Variants in ZBTB4 observed in about 807,000 individuals in gnomAD.
ZBTB4 encodes zinc finger and BTB domain containing 4.
Under a neutral mutation model 59.8 loss-of-function variants are expected in ZBTB4, and 14 were observed. That is an observed-to-expected ratio of 0.23 (90% confidence interval 0.15 to 0.37). The LOEUF is 0.37. ZBTB4 is among the 10% of genes least tolerant of loss of function. ZBTB4 has a pLI of 1.00. For missense variants in ZBTB4, 1,198 were observed against 1,380.8 expected, an observed-to-expected ratio of 0.87 and a Z score of 2.10; for synonymous variants, 587 against 575.2, an observed-to-expected ratio of 1.02 and a Z score of -0.29.
In ZBTB4 at chr17:7,466,458, G is replaced by C; in HGVS notation, c.344C>G (p.Ala115Gly). 1 of 1,612,652 alleles carries C rather than the reference G, an allele frequency of 6.2e-7. No homozygotes were observed. The highest frequency in any genetic ancestry group is 8.5e-7 in the Non-Finnish European group (1 of 1,179,418). ...SSSSSSSPPP[A>G]SPPASSPPRV... ...GGGTGGGGAAGAAGCAGGGGGAGAG[G>C]CTGGAGGGGGAGAGGAAGAGGAAGA... Residue 115 changes from alanine to glycine, a missense_variant, in exon 3 of 4, where the codon GCC becomes GGC. Ala to Gly is a moderately conservative substitution (Grantham distance 60, BLOSUM62 0). Around this residue, in one of 9 missense-constraint regions of ZBTB4, gnomAD observed 83 missense variants for 76.5 expected, o/e 1.09. Coordinates refer to ENST00000380599, the MANE Select transcript of ZBTB4 (RefSeq NM_001128833.2). The surrounding 1 kb of genome is among the most constrained non-coding windows in gnomAD (Gnocchi z 9.1).
At position 7,461,799 on chromosome 17, in the gene ZBTB4, G is replaced by T; in HGVS notation, c.*141C>A. 1 of 634,324 alleles carries T rather than the reference G, an allele frequency of 1.6e-6. No individual in the cohort carries two copies. The highest frequency in any genetic ancestry group is 2.7e-6 in the Non-Finnish European group (1 of 372,992). 39.3% of individuals were successfully genotyped at this position (634,324 alleles called of 1,614,324 possible). On this transcript the variant is annotated 3_prime_UTR_variant, in exon 4 of 4. Coordinates refer to ENST00000380599, the MANE Select transcript of ZBTB4 (RefSeq NM_001128833.2). ...AACTACATCTCACACAAAGCAGCCTGACCCCTGAGCTCCAGGGGCCCCCAA... is the reference window on the plus strand; with the variant it reads ...AACTACATCTCACACAAAGCAGCCTTACCCCTGAGCTCCAGGGGCCCCCAA...
At position 7,461,614 on chromosome 17, in the gene ZBTB4, G is replaced by A. The variant is rs2070021418; in HGVS notation, c.*326C>T. 4.1e-6 allele frequency: 1 copy of A among 241,284 alleles called. No homozygotes were observed. The highest frequency in any genetic ancestry group is 2.3e-5 in the African/African-American group (1 of 44,192). The allele number at this position is 241,284 out of a possible 1,614,324, so 14.9% of individuals were successfully genotyped here. A position where few individuals can be genotyped will look rare whatever the true frequency, so the allele number is the denominator to read the frequency against. ...CAGGGGAGCAGGTTAGACATTCAGAGCTGGTGGGGGCTGTGAGTAGAGATT... is the reference window on the plus strand; with the variant it reads ...CAGGGGAGCAGGTTAGACATTCAGAACTGGTGGGGGCTGTGAGTAGAGATT... On this transcript the variant is annotated 3_prime_UTR_variant, in exon 4 of 4. Coordinates refer to ENST00000380599, the MANE Select transcript of ZBTB4 (RefSeq NM_001128833.2).
chr17:7,467,096 G>GT, intron 2 of ZBTB4, 161 bp downstream of exon 2: 1 of 914,548 alleles, frequency 1.1e-6, no homozygotes, highest in African/African-American at 1.8e-5. Flanking sequence ...GACTAGAGAT[G>GT]TAAGTGAGGC....
intron 3 of ZBTB4, among the ~76,000 whole-genome samples, chr17:7,464,837 TAA>T (rs1171627240): frequency 2.1e-5 from 2 of 96,238 alleles, no homozygotes; most frequent in South Asian, 3.3e-4. Context: ...GACTCGGTCT[TAA>T]AAAAAAAAAA....
chr17:7,461,885 G>T lies in ZBTB4; in HGVS notation c.*55C>A, dbSNP rs1010533666. ...GCAGGGAGGCCAGGGAGCTGGTAGT[G>T]GTGGGGGGTTCAGGGAGGGTGGCAT... On this transcript the variant is annotated 3_prime_UTR_variant, in exon 4 of 4. Transcript: ENST00000380599. 10 of 1,455,130 alleles carry T rather than the reference G, an allele frequency of 6.9e-6. No homozygotes were observed. The highest frequency in any genetic ancestry group is 9.3e-6 in the Non-Finnish European group (10 of 1,079,766). 90.1% of individuals were successfully genotyped at this position (1,455,130 alleles called of 1,614,324 possible).
Position 7,460,063 on chromosome 17 carries a change from G to A in ZBTB4, c.*1877C>T, listed in dbSNP as rs2069996699. 6.6e-6 allele frequency: 1 copy of A among 152,060 alleles called. No homozygotes were observed. The highest frequency in any genetic ancestry group is 6.6e-5 in the Admixed American group (1 of 15,240). The allele number at this position is 152,060 out of a possible 1,614,324, so 9.4% of individuals were successfully genotyped here. On this transcript the variant is annotated 3_prime_UTR_variant, in exon 4 of 4. Transcript: ENST00000380599. ...TGTATTCTTTATTACGTATTTTTTT[G>A]CAGTTTTTCTAAAGTGCCAGAAACA...
At position 7,462,663 on chromosome 17, in the gene ZBTB4, C is replaced by A. The variant is rs746236265; in HGVS notation, c.2319G>T (p.Val773=). The change falls in exon 4 of 4, where the codon GTG becomes GTT. Residue 773 remains valine (V), a synonymous_variant. Transcript: ENST00000380599. The surrounding 1 kb of genome is among the most constrained non-coding windows in gnomAD (Gnocchi z 7.5). ...TRFTCPHCAK[V]CKTAAALSRH... is the part of the protein sequence containing the mutation. ...GGCTCAGGGCAGCTGCGGTCTTGCA[C>A]ACCTTGGCGCAGTGGGGGCAGGTAA... The A allele has an allele frequency of 1.2e-6, 2 of 1,607,482 alleles. No homozygotes were observed. The highest frequency in any genetic ancestry group is 3.3e-5 in the Admixed American group (2 of 59,786).
In ZBTB4 at chr17:7,462,403, A is replaced by G. The variant is rs748259302; in HGVS notation, c.2579T>C (p.Val860Ala). ...PIISGGEEPP[V>A]VASGGSYVYP... ...TACATAGCTGCCCCCGCTTGCCACT[A>G]CTGGGGGCTCCTCACCCCCTGAAAT... Residue 860 changes from valine to alanine, a missense_variant, in exon 4 of 4, where the codon GTA becomes GCA. Val to Ala is a moderately conservative substitution (Grantham distance 64). This residue lies in a region of ZBTB4 where 211 missense variants were observed against 236.1 expected (regional missense o/e 0.89). Transcript: ENST00000380599. This position sits in a 1 kb window ranked among gnomAD's most constrained non-coding sequence, Gnocchi z 7.5. 1.7e-5 allele frequency: 27 copies of G among 1,613,872 alleles called. No individual in the cohort carries two copies. The highest frequency in any genetic ancestry group is 1.5e-4 in the Admixed American group (9 of 59,996).
chr17:7,471,266 C>T (rs1201645543), intron 1 of ZBTB4, among the ~76,000 whole-genome samples: 1 of 152,140 alleles, frequency 6.6e-6, no homozygotes, highest in Non-Finnish European at 1.5e-5. Context: ...TCACTGCAGC[C>T]TGGACCTCCT....
chr17:7,480,693 C>T (rs1567693551), upstream of ZBTB4, among the ~76,000 whole-genome samples: 2 of 151,930 alleles, frequency 1.3e-5, no homozygotes, highest in South Asian at 2.1e-4. Flanking sequence ...GCACTCCAGC[C>T]TGGGCGACAG....
At chr17:7,482,163 T>C (rs200515754), upstream of ZBTB4, 23 of 1,614,042 alleles carry the variant, frequency 1.4e-5, no homozygotes, top group African/African-American at 4.0e-5. Context: ...CTTTCTCATA[T>C]GGCTTACCAG....
At chr17:7,470,234 C>T (rs558269192) in intron 1 of ZBTB4, among the ~76,000 whole-genome samples, 85 of 151,862 alleles carry the variant, frequency 5.6e-4, no homozygotes, top group African/African-American at 2.0e-3. Context: ...CTGGTCTCTA[C>T]AAAAAATACA....
In ZBTB4 at chr17:7,462,812, G is replaced by C. The variant is rs369864702; in HGVS notation, c.2170C>G (p.Arg724Gly). 1 of 1,602,774 alleles carries C rather than the reference G, an allele frequency of 6.2e-7. No individual in the cohort carries two copies. Among genetic ancestry groups the C allele is most frequent in the Non-Finnish European group, 8.5e-7 (1 of 1,179,804 alleles). The change falls in exon 4 of 4, where the codon CGG becomes GGG. Residue 724 changes from arginine to glycine, a missense_variant. Physicochemically the swap from Arg to Gly is moderately radical, Grantham distance 125. Coordinates refer to ENST00000380599, the MANE Select transcript of ZBTB4 (RefSeq NM_001128833.2). This position sits in a 1 kb window ranked among gnomAD's most constrained non-coding sequence, Gnocchi z 7.5. ...GCACAGTCCCCGCATCGGTGCCTCC[G>C]CTCTGTGCGGGCACGTCCCGCTGGG... ...ESPAGRARTE[R>G]RHRCGDCAQT...
intron 1 of ZBTB4, among the ~76,000 whole-genome samples, chr17:7,471,025 T>C (rs944848092): frequency 1.9e-4 from 29 of 152,052 alleles, no homozygotes; most frequent in African/African-American, 6.5e-4. Context: ...TGCACAACCA[T>C]ATGTGGTGGG....
intron 1 of ZBTB4, among the ~76,000 whole-genome samples, chr17:7,475,464 C>T (rs762798637): frequency 1.3e-5 from 2 of 152,046 alleles, no homozygotes; most frequent in Non-Finnish European, 2.9e-5. Context: ...GTACAGCCAC[C>T]CACAATAGGT....
Position 7,463,578 on chromosome 17 carries a change from T to C in ZBTB4, c.1404A>G (p.Pro468=). ...GPPPAPEPGP[P]PSVITFAHPA... ...GGTGGGCAAAAGTGATGACAGAGGG[T>C]GGAGGGCCAGGCTCTGGGGCAGGTG... Residue 468 remains proline, a synonymous_variant, in exon 4 of 4, where the codon CCA becomes CCG. Transcript: ENST00000380599. 1 of 1,593,102 alleles carries C rather than the reference T, an allele frequency of 6.3e-7. No homozygotes were observed. The highest frequency in any genetic ancestry group is 8.5e-7 in the Non-Finnish European group (1 of 1,170,216).
upstream of ZBTB4, chr17:7,483,241 TA>T (rs1298028456): frequency 1.3e-5 from 10 of 761,574 alleles, no homozygotes; most frequent in Middle Eastern, 7.8e-4. Flanking sequence ...AACTAAGGGG[TA>T]AAGTCTGAGG....
chr17:7,482,455 C>T (rs201649944), upstream of ZBTB4: 255 of 1,614,006 alleles, frequency 1.6e-4, 1 homozygote, highest in African/African-American at 1.7e-3. Flanking sequence ...TCAGTGGCTA[C>T]GACTGGTGTG....
chr17:7,462,564 G>A lies in ZBTB4; in HGVS notation c.2418C>T (p.Ser806=), dbSNP rs759864297. ...PTPVIAYSKG[S]AGTRPGDVKE... ...TGACATCCCCGGGCCTGGTGCCAGC[G>A]CTGCCCTTGGAATAGGCAATGACAG... The change falls in exon 4 of 4, where the codon AGC becomes AGT. Residue 806 remains serine (S), a synonymous_variant. Transcript: ENST00000380599. This position sits in a 1 kb window ranked among gnomAD's most constrained non-coding sequence, Gnocchi z 7.5. 20 of 1,613,430 alleles carry A rather than the reference G, an allele frequency of 1.2e-5. No homozygotes were observed. The highest frequency in any genetic ancestry group is 4.4e-5 in the South Asian group (4 of 91,074).
Sources: allele counts gnomAD v4.1 joint callset (sites outside exome capture counted in the v4.1 genomes callset), GRCh38; gene constraint gnomAD v4.1.1; regional missense constraint gnomAD v4.1.1; non-coding constraint Gnocchi (gnomAD v3.1); transcripts MANE v1.5; gene names NCBI Gene and HGNC (gene_info 2026-07-23, HGNC 2026-07-21).